Variants in UNC5D observed in about 807,000 individuals in gnomAD.
UNC5D encodes unc-5 netrin receptor D, also known as netrin receptor UNC5D.
Under a neutral mutation model 105.4 loss-of-function variants are expected in UNC5D, and 39 were observed. The ratio of observed to expected loss-of-function variants is 0.37; its 90% CI spans 0.29 to 0.48. UNC5D has a LOEUF of 0.48. Among genes scored for constraint, UNC5D ranks in the 20% least tolerant of loss-of-function variants. The probability of loss-of-function intolerance (pLI) is 0.98; values close to 1 mark genes in which losing one functional copy is unlikely to be tolerated. For missense variants in UNC5D, 991 were observed against 1,202.4 expected (o/e 0.82, Z 2.60); for synonymous variants, 452 against 450.4 (o/e 1.00, Z -0.04).
chr8:35,316,575 CACAT>C (rs1192607254), intron 1 of UNC5D, among the ~76,000 whole-genome samples: 3 of 152,246 alleles, frequency 2.0e-5, no homozygotes, highest in South Asian at 4.1e-4. Flanking sequence ...TTAGAAAAAT[CACAT>C]ACATTGGCCT....
intron 4 of UNC5D, among the ~76,000 whole-genome samples, chr8:35,674,977 T>C (rs941903508): frequency 6.6e-6 from 1 of 152,176 alleles, no homozygotes; most frequent in Admixed American, 6.6e-5. Flanking sequence ...TATACATCTC[T>C]AATAGACCTG....
chr8:35,403,853 G>C (rs1804631734), intron 1 of UNC5D, among the ~76,000 whole-genome samples: 1 of 152,150 alleles, frequency 6.6e-6, no homozygotes, highest in Non-Finnish European at 1.5e-5. Context: ...ACTCCTGGAG[G>C]AGCAAAATCT....
At chr8:35,707,153 T>C (rs759890823) in intron 8 of UNC5D, among the ~76,000 whole-genome samples, 15 of 152,124 alleles carry the variant, frequency 9.9e-5, no homozygotes, top group Non-Finnish European at 1.8e-4. Context: ...TTGAGAGAAT[T>C]AAGACCCTGT....
At chr8:35,534,175 G>C (rs1201089925) in intron 1 of UNC5D, among the ~76,000 whole-genome samples, 1 of 152,092 alleles carries the variant, frequency 6.6e-6, no homozygotes, top group African/African-American at 2.4e-5. Context: ...TTTATCGCTG[G>C]AATTGTATAA....
chr8:35,520,330 C>G (rs1408424197), intron 1 of UNC5D, among the ~76,000 whole-genome samples: 3 of 152,004 alleles, frequency 2.0e-5, no homozygotes, highest in Non-Finnish European at 4.4e-5. Context: ...TTTTATGGTT[C>G]CATTTATATG....
rs79595059 is a variant in UNC5D at position 35,414,874 on chromosome 8, G to A, written c.104-134418G>A. Among the ~76,000 whole-genome samples, 29 of 152,088 alleles carry A rather than the reference G, an allele frequency of 1.9e-4. 1 individual carries two copies. The East Asian group carries it at 5.4e-3, about 28-fold the overall frequency. ...GTCCCAGTAGTGAACTTGGAATTAT[G>A]CACTAGGCCCTGAACAAGAAGACTC... is the stretch of plus-strand genomic sequence containing the variant. On this transcript the variant is annotated intron_variant, in intron 1 of 16. Coordinates refer to ENST00000404895, the MANE Select transcript of UNC5D (RefSeq NM_080872.4).
At chr8:35,750,988 G>A (rs559903665) in intron 13 of UNC5D, among the ~76,000 whole-genome samples, 179 bp downstream of exon 13, 1 of 152,218 alleles carries the variant, frequency 6.6e-6, no homozygotes, top group South Asian at 2.1e-4. Context: ...CAAGACAGAG[G>A]AATTGCAATA....
chr8:35,660,405 G>C, intron 4 of UNC5D, among the ~76,000 whole-genome samples: 1 of 152,118 alleles, frequency 6.6e-6, no homozygotes, highest in East Asian at 1.9e-4. Flanking sequence ...TCTGTGATCT[G>C]TAACCATGAC....
chr8:35,433,751 A>G (rs1401099435), intron 1 of UNC5D, among the ~76,000 whole-genome samples: 2 of 151,718 alleles, frequency 1.3e-5, no homozygotes, highest in Non-Finnish European at 2.9e-5. Flanking sequence ...TAGGAGGCTG[A>G]GGCAGGAGAA....
At chr8:35,775,060 T>G in intron 16 of UNC5D, among the ~76,000 whole-genome samples, 1 of 152,278 alleles carries the variant, frequency 6.6e-6, no homozygotes, top group Non-Finnish European at 1.5e-5. Context: ...AAATGGGCGA[T>G]TAGACTATGT....
chr8:35,530,830 G>T (rs1045397193), intron 1 of UNC5D, among the ~76,000 whole-genome samples: 3 of 146,120 alleles, frequency 2.1e-5, no homozygotes, highest in Non-Finnish European at 4.5e-5. Context: ...TAGTTTATTT[G>T]CATAGAGGTG....
intron 1 of UNC5D, among the ~76,000 whole-genome samples, chr8:35,515,473 T>C (rs1813043489): frequency 6.6e-6 from 1 of 152,156 alleles, no homozygotes; most frequent in Non-Finnish European, 1.5e-5. Context: ...TCACTTGAGG[T>C]CAGGAGTTCG....
chr8:35,255,888 G>A (rs966107402), intron 1 of UNC5D: 2 of 152,164 alleles, frequency 1.3e-5, no homozygotes, highest in African/African-American at 4.8e-5. Flanking sequence ...TTCTCAAAGT[G>A]ATTTATTAAT....
intron 1 of UNC5D, among the ~76,000 whole-genome samples, chr8:35,241,218 A>G (rs1802784087): frequency 6.6e-6 from 1 of 152,254 alleles, no homozygotes; most frequent in South Asian, 2.1e-4. Flanking sequence ...TCCACTTTGA[A>G]AAGAACTTTT....
chr8:35,691,457 A>C (rs1285588304), intron 7 of UNC5D, among the ~76,000 whole-genome samples: 2 of 152,188 alleles, frequency 1.3e-5, no homozygotes, highest in Non-Finnish European at 2.9e-5. Flanking sequence ...ACTGCACTCC[A>C]TCCTGGCTGA....
At chr8:35,252,820 G>C (rs1031649869) in intron 1 of UNC5D, among the ~76,000 whole-genome samples, 1 of 152,184 alleles carries the variant, frequency 6.6e-6, no homozygotes, top group South Asian at 2.1e-4. Flanking sequence ...ATCTTTTCCA[G>C]ATACTGCCAA....
At chr8:35,290,879 T>C (rs2980388) in intron 1 of UNC5D, among the ~76,000 whole-genome samples, 123,558 of 150,390 alleles carry the variant, frequency 0.82, 51,113 homozygotes, top group East Asian at 1. Context: ...ACCTGGGAGG[T>C]AGAGGTTGCA....
intron 1 of UNC5D, among the ~76,000 whole-genome samples, chr8:35,495,443 G>GAAC (rs1359543752): frequency 8.7e-4 from 58 of 66,382 alleles, no homozygotes; most frequent in Non-Finnish European, 1.4e-3. Flanking sequence ...GAAAGCTGAT[G>GAAC]AACAACAACA....
At chr8:35,742,108 A>G (rs1829792438) in intron 11 of UNC5D, among the ~76,000 whole-genome samples, 1 of 152,278 alleles carries the variant, frequency 6.6e-6, no homozygotes, top group African/African-American at 2.4e-5. Context: ...GAAGTAGAAG[A>G]CATAGCCACA....
Sources: allele counts gnomAD v4.1 joint callset (sites outside exome capture counted in the v4.1 genomes callset), GRCh38; gene constraint gnomAD v4.1.1; transcripts MANE v1.5; gene names NCBI Gene and HGNC (gene_info 2026-07-23, HGNC 2026-07-21).